The following COL25A1 variants were observed in gnomAD, a reference collection of about 807,000 sequenced individuals.
COL25A1 encodes collagen alpha-1(XXV) chain.
A neutral mutation model predicts 128.4 loss-of-function variants in COL25A1; 103 were observed. The observed-to-expected ratio is 0.80, with a 90% confidence interval of 0.68 to 0.94. The LOEUF is 0.94. COL25A1 is among the 40% of genes least tolerant of loss of function. The pLI is 0.00. For missense variants in COL25A1, 745 were observed against 840.0 expected, an observed-to-expected ratio of 0.89 and a Z score of 1.40; for synonymous variants, 279 against 277.2, an observed-to-expected ratio of 1.01 and a Z score of -0.06.
rs114811550 is a variant in COL25A1, at chr4:109,181,912, A to G, written c.367+118671T>C. Among the ~76,000 whole-genome samples the G allele has an allele frequency of 5.2e-3, 790 of 152,078 alleles. 3 individuals are homozygous for G. Among genetic ancestry groups the G allele is most frequent in the African/African-American group, 0.018 (760 of 41,484 alleles). ...CCTACTCTCTGTTTCTATGAGTTCA[A>G]CTTTTTCAGATTCGACATGTAAGTG... On this transcript the variant is annotated intron_variant, in intron 3 of 37. Coordinates refer to ENST00000399132, the MANE Select transcript of COL25A1 (RefSeq NM_198721.4).
chr4:108,908,757 T>TC (rs1215544323), intron 13 of COL25A1, among the ~76,000 whole-genome samples: 1 of 152,118 alleles, frequency 6.6e-6, no homozygotes, highest in Non-Finnish European at 1.5e-5. Context: ...CAAATCAGTC[T>TC]CCCCAAAAAC....
chr4:109,141,697 C>T lies in COL25A1; in HGVS notation c.368-91518G>A, dbSNP rs1770422458. Among the ~76,000 whole-genome samples, 4 of 152,182 alleles carry T rather than the reference C, an allele frequency of 2.6e-5. No homozygotes were observed. In the South Asian group the frequency reaches 8.3e-4, roughly 32 times the overall value. ...GTGTCCAGGAATTTATCCATTTCTT[C>T]TAGATTTTCTAGTTTATTTGCATAG... On this transcript the variant is annotated intron_variant, in intron 3 of 37. Coordinates refer to ENST00000399132, the MANE Select transcript of COL25A1 (RefSeq NM_198721.4).
At chr4:109,110,178 A>G (rs1184505221) in intron 3 of COL25A1, among the ~76,000 whole-genome samples, 1 of 152,144 alleles carries the variant, frequency 6.6e-6, no homozygotes, top group Non-Finnish European at 1.5e-5. Context: ...TTCTTATATT[A>G]ATACTCCTGA....
chr4:109,091,216 A>C (rs910817323), intron 3 of COL25A1, among the ~76,000 whole-genome samples: 1 of 151,632 alleles, frequency 6.6e-6, no homozygotes, highest in Admixed American at 6.6e-5. Context: ...TCCTTCTGTA[A>C]CTCCCTAACT....
intron 19 of COL25A1, among the ~76,000 whole-genome samples, chr4:108,883,006 C>T (rs1277610470): frequency 6.6e-6 from 1 of 151,990 alleles, no homozygotes. Flanking sequence ...AAACAGTATA[C>T]ACAACTCTCA....
intron 3 of COL25A1, among the ~76,000 whole-genome samples, chr4:109,069,642 T>C (rs569044935): frequency 1.3e-5 from 2 of 152,290 alleles, no homozygotes; most frequent in East Asian, 3.9e-4. Context: ...TGTGACTACA[T>C]CTAAAAGGAA....
chr4:108,852,395 A>T (rs1735894044), intron 25 of COL25A1, 115 bp from the exon 26 acceptor site: 1 of 784,082 alleles, frequency 1.3e-6, no homozygotes, highest in African/African-American at 1.9e-5. Context: ...GATCTCCCCA[A>T]ATATAAATTT....
Position 109,294,271 on chromosome 4 carries a change from C to T in COL25A1, c.367+6312G>A, listed in dbSNP as rs73838566. ...TCTGGTGCCATTTCCTCAATGGCTC[C>T]TTTCATTTAAATGAATCACAGAATA... On this transcript the variant is annotated intron_variant, in intron 3 of 37. Transcript: ENST00000399132. 9.9e-4 allele frequency among the ~76,000 whole-genome samples: 150 copies of T among 152,132 alleles called. 3 individuals are homozygous for T. The highest frequency in any genetic ancestry group is 3.3e-3 in the African/African-American group (139 of 41,524).
At chr4:109,017,595 G>A (rs1274004217) in intron 5 of COL25A1, among the ~76,000 whole-genome samples, 1 of 152,190 alleles carries the variant, frequency 6.6e-6, no homozygotes, top group African/African-American at 2.4e-5. Context: ...GTAAATCTGT[G>A]TCTTTCCTTT....
chr4:109,031,512 C>A (rs986493020), intron 5 of COL25A1, among the ~76,000 whole-genome samples: 1 of 152,184 alleles, frequency 6.6e-6, no homozygotes, highest in Non-Finnish European at 1.5e-5. Flanking sequence ...CACCAGGTCA[C>A]AAAACCTTAA....
chr4:108,903,244 G>A (rs887059856), intron 13 of COL25A1, among the ~76,000 whole-genome samples: 4 of 151,726 alleles, frequency 2.6e-5, no homozygotes, highest in Non-Finnish European at 5.9e-5. Flanking sequence ...AACATAAAAG[G>A]CAGCAAAAAA....
intron 3 of COL25A1, among the ~76,000 whole-genome samples, chr4:109,063,094 A>G (rs1417084210): frequency 2.6e-5 from 4 of 152,266 alleles, no homozygotes; most frequent in East Asian, 1.9e-4. Flanking sequence ...AATAAAGAAC[A>G]ATGTTAGCCA....
In COL25A1 at chr4:109,065,581, T is replaced by C. The variant is rs111961566; in HGVS notation, c.368-15402A>G. 1.5e-3 allele frequency among the ~76,000 whole-genome samples: 226 copies of C among 148,194 alleles called. 2 individuals are homozygous for C. The Middle Eastern group carries it at 0.021, about 14-fold the overall frequency. ...GTGTGTGTGTGTGTGTGTGTGTGTG[T>C]GCAGGTGCATGCACGTGTGTTTAAG... On this transcript the variant is annotated intron_variant, in intron 3 of 37. Transcript: ENST00000399132.
In COL25A1 at chr4:108,810,200, A is replaced by C. The variant is rs1730682894; in HGVS notation, c.*3727T>G. On this transcript the variant is annotated 3_prime_UTR_variant, in exon 38 of 38. Coordinates refer to ENST00000399132, the MANE Select transcript of COL25A1 (RefSeq NM_198721.4). Reference sequence around the variant, plus strand: ...GCTTCAATAGTAACATTAAAAAAAAAAACCCTTGGAAATTAAGCACATTTC... The same window carrying C: ...GCTTCAATAGTAACATTAAAAAAAACAACCCTTGGAAATTAAGCACATTTC... The C allele has an allele frequency of 2.0e-5, 3 of 151,906 alleles. No individual in the cohort carries two copies. The highest frequency in any genetic ancestry group is 2.9e-5 in the Non-Finnish European group (2 of 67,816). The allele number at this position is 151,906 out of a possible 1,614,324, so 9.4% of individuals were successfully genotyped here.
rs753360764 is a variant in COL25A1 at position 108,819,291 on chromosome 4, G to C, written c.1884C>G (p.Gly628=). The C allele has an allele frequency of 3.1e-6, 5 of 1,613,340 alleles. No homozygotes were observed. Among genetic ancestry groups the C allele is most frequent in the Non-Finnish European group, 2.5e-6 (3 of 1,179,770 alleles). Reference sequence around the variant, plus strand: ...CATCCAGCCCATCCAGGCCAGGCTGGCCTGGCTCCCCTTTTTCCCCCTTAA... The same window carrying C: ...CATCCAGCCCATCCAGGCCAGGCTGCCCTGGCTCCCCTTTTTCCCCCTTAA... The part of the protein sequence containing the change: ...RGVKGEKGEP[G]QPGLDGLDAP... The change falls in exon 36 of 38, where the codon GGC becomes GGG. Residue 628 remains glycine (G), a synonymous_variant. Transcript: ENST00000399132.
At chr4:108,912,290 A>G (rs928025421) in intron 13 of COL25A1, among the ~76,000 whole-genome samples, 6 of 152,150 alleles carry the variant, frequency 3.9e-5, no homozygotes, top group African/African-American at 1.2e-4. Context: ...TCCTCTTATT[A>G]TAGTTACTAG....
chr4:109,120,899 G>A (rs1447199281), intron 3 of COL25A1, among the ~76,000 whole-genome samples: 1 of 151,706 alleles, frequency 6.6e-6, no homozygotes, highest in Non-Finnish European at 1.5e-5. Flanking sequence ...TAAAAAAAAT[G>A]TGCAAGATCT....
chr4:109,108,256 C>G (rs1050672613), intron 3 of COL25A1, among the ~76,000 whole-genome samples: 1 of 152,144 alleles, frequency 6.6e-6, no homozygotes, highest in African/African-American at 2.4e-5. Flanking sequence ...GTTCAATTCC[C>G]ACCTATGAGT....
At chr4:108,853,077 A>G in intron 24 of COL25A1, 152 bp from the exon 25 acceptor site, 2 of 616,080 alleles carry the variant, frequency 3.2e-6, no homozygotes, top group Admixed American at 3.1e-5. Flanking sequence ...ATATTACCCT[A>G]TCTTCAATAC....
Sources: allele counts gnomAD v4.1 joint callset (sites outside exome capture counted in the v4.1 genomes callset), GRCh38; gene constraint gnomAD v4.1.1; transcripts MANE v1.5; gene names NCBI Gene and HGNC (gene_info 2026-07-23, HGNC 2026-07-21).